The following VPS53 variants were observed in gnomAD, a reference collection of about 807,000 sequenced individuals.
VPS53 encodes the protein VPS53 subunit of GARP complex.
In VPS53, 70 loss-of-function variants were observed where a neutral mutation model predicts 107.0. The observed-to-expected ratio is 0.65, with a 90% CI of 0.54 to 0.80. The LOEUF (loss-of-function observed/expected upper bound fraction) is 0.80. VPS53 is among the 30% of genes least tolerant of loss of function. The probability of loss-of-function intolerance (pLI) is 0.00; values close to 1 mark genes in which losing one functional copy is unlikely to be tolerated. For missense variants in VPS53, 917 were observed against 1,049.4 expected, an observed-to-expected ratio of 0.87 and a Z score of 1.74; for synonymous variants, 409 against 393.3, an observed-to-expected ratio of 1.04 and a Z score of -0.47.
Position 628,111 on chromosome 17 carries a change from C to T in VPS53, c.808G>A (p.Val270Ile). The change falls in exon 9 of 22, where the codon GTA becomes ATA. Residue 270 changes from valine to isoleucine, a missense_variant. Transcript: ENST00000437048. ...FIKQHLSEYL[V>I]LFQENQDVAW... Reference sequence around the variant, plus strand: ...ACATCTTGGTTTTCTTGAAAAAGTACCAGATACTCTGACAGATGCTGTTTA... The same window carrying T: ...ACATCTTGGTTTTCTTGAAAAAGTATCAGATACTCTGACAGATGCTGTTTA... 6.2e-7 allele frequency: 1 copy of T among 1,612,846 alleles called. No individual in the cohort carries two copies. The highest frequency in any genetic ancestry group is 1.3e-5 in the African/African-American group (1 of 74,980).
rs373411049 is a variant in VPS53, at chr17:623,694, G to C, written c.975-20C>G. ...TCTGCCCTTCAAAACAAAGAGATAA[G>C]AATACTATCAAACAAGCTGATCATT... On this transcript the variant is annotated intron_variant, in intron 10 of 21. Coordinates refer to ENST00000437048, the MANE Select transcript of VPS53 (RefSeq NM_001128159.3). 1.4e-5 allele frequency: 22 copies of C among 1,595,754 alleles called. No homozygotes were observed. Among genetic ancestry groups the C allele is most frequent in the Middle Eastern group, 1.7e-4 (1 of 5,892 alleles).
intron 17 of VPS53, among the ~76,000 whole-genome samples, chr17:550,251 T>C (rs1432513237): frequency 1.3e-5 from 2 of 152,198 alleles, no homozygotes; most frequent in Non-Finnish European, 2.9e-5. Context: ...GTTAGGTCTG[T>C]CTGACTCTAA....
At chr17:665,280 T>C (rs527442627) in intron 4 of VPS53, among the ~76,000 whole-genome samples, 1 of 151,452 alleles carries the variant, frequency 6.6e-6, no homozygotes, top group South Asian at 2.1e-4. Context: ...CAGGACGACA[T>C]GGTGAGAAGG....
chr17:523,366 G>C (rs982916991), intron 19 of VPS53: 1 of 152,300 alleles, frequency 6.6e-6, no homozygotes, highest in Non-Finnish European at 1.5e-5. Context: ...CTTATATTCA[G>C]GGCAAGGCCT....
intron 4 of VPS53, chr17:675,780 A>AC (rs1567731091): frequency 6.6e-6 from 1 of 151,734 alleles, no homozygotes; most frequent in Non-Finnish European, 1.5e-5. Context: ...AAAAAAAAAA[A>AC]AAAAAAAAAC....
chr17:591,265 CTCTT>C (rs1418253716), intron 12 of VPS53, among the ~76,000 whole-genome samples: 1 of 152,110 alleles, frequency 6.6e-6, no homozygotes, highest in African/African-American at 2.4e-5. Context: ...TGATTCTTCT[CTCTT>C]TTTTTCTTTA....
At chr17:688,081 G>T (rs75762530) in intron 4 of VPS53, among the ~76,000 whole-genome samples, 1 of 152,066 alleles carries the variant, frequency 6.6e-6, no homozygotes, top group Admixed American at 6.5e-5. Flanking sequence ...TAGAGGATAC[G>T]TGGCAAAGTG....
chr17:521,465 A>G, intron 20 of VPS53, 136 bp downstream of exon 20: 1 of 1,051,132 alleles, frequency 9.5e-7, no homozygotes, highest in Non-Finnish European at 1.3e-6. Context: ...ATGAGGCCAA[A>G]ATCCAGTCCA....
At chr17:689,300 G>C (rs1156717248) in intron 4 of VPS53, among the ~76,000 whole-genome samples, 4 of 151,942 alleles carry the variant, frequency 2.6e-5, no homozygotes, top group Non-Finnish European at 4.4e-5. Flanking sequence ...CAGTCTTGGA[G>C]AGCAGTTATT....
chr17:661,453 G>A (rs1287733310), intron 5 of VPS53, among the ~76,000 whole-genome samples: 7 of 149,848 alleles, frequency 4.7e-5, no homozygotes, highest in East Asian at 2.0e-4. Flanking sequence ...CCTGGGAGGC[G>A]GAGGTTGCAG....
intron 5 of VPS53, chr17:656,680 T>C: frequency 1.7e-6 from 1 of 576,760 alleles, no homozygotes; most frequent in Admixed American, 3.2e-5. Flanking sequence ...CTGTGTTTCT[T>C]GGTCCATGCT....
chr17:562,438 T>A, intron 14 of VPS53, 65 bp downstream of exon 14: 1 of 1,593,534 alleles, frequency 6.3e-7, no homozygotes, highest in East Asian at 2.2e-5. Flanking sequence ...TCAGAGTGGA[T>A]TTCCTTAAGA....
At chr17:709,663 G>C (rs1333853379) in intron 2 of VPS53, among the ~76,000 whole-genome samples, 2 of 152,144 alleles carry the variant, frequency 1.3e-5, no homozygotes, top group Non-Finnish European at 2.9e-5. Flanking sequence ...ACACATGACA[G>C]GCACCTACTG....
At chr17:623,916 C>T (rs1969577057) in intron 10 of VPS53, among the ~76,000 whole-genome samples, 1 of 151,444 alleles carries the variant, frequency 6.6e-6, no homozygotes, top group Non-Finnish European at 1.5e-5. Context: ...TATATATATA[C>T]TTATATTTAT....
intron 8 of VPS53, 73 bp downstream of exon 8, chr17:631,477 G>A: frequency 2.0e-6 from 3 of 1,468,428 alleles, no homozygotes; most frequent in Non-Finnish European, 2.9e-6. Flanking sequence ...ATAACCACAT[G>A]GTGACTGGGG....
At chr17:661,053 C>T (rs1008531888) in intron 5 of VPS53, among the ~76,000 whole-genome samples, 3 of 151,958 alleles carry the variant, frequency 2.0e-5, no homozygotes, top group African/African-American at 4.8e-5. Flanking sequence ...AGATCATGGG[C>T]GGGGACATCC....
intron 5 of VPS53, chr17:656,859 C>T (rs369996955): frequency 6.3e-7 from 1 of 1,590,620 alleles, no homozygotes; most frequent in Non-Finnish European, 8.6e-7. Flanking sequence ...AGGCGGATAC[C>T]CTTTCCTCGG....
chr17:674,977 C>T (rs1180365725), intron 4 of VPS53: 1 of 152,140 alleles, frequency 6.6e-6, no homozygotes, highest in Non-Finnish European at 1.5e-5. Context: ...ATATATGCAA[C>T]AATATTTTGC....
chr17:535,786 A>G (rs1002717469), intron 18 of VPS53, among the ~76,000 whole-genome samples: 2 of 152,202 alleles, frequency 1.3e-5, no homozygotes, highest in African/African-American at 2.4e-5. Flanking sequence ...GCCTCCCTGG[A>G]GAGTCCACTC....
Sources: gnomAD v4.1 joint callset for allele counts (sites outside exome capture counted in the v4.1 genomes callset) on GRCh38, gnomAD v4.1.1 for gene constraint, MANE v1.5 for transcripts, NCBI Gene and HGNC (gene_info 2026-07-23, HGNC 2026-07-21) for gene names.